The following CFAP97D2 variants were observed in gnomAD, a reference collection of about 807,000 sequenced individuals.
The protein encoded by CFAP97D2 is CFAP97 domain containing 2.
At chr13:114,220,734 C>A (rs1181623130) in intron 4 of CFAP97D2, among the ~76,000 whole-genome samples, 1 of 152,194 alleles carries the variant, frequency 6.6e-6, no homozygotes, top group Non-Finnish European at 1.5e-5. Flanking sequence ...TCTCCAGGAG[C>A]AAAATTAGCT....
chr13:114,218,348 T>G (rs1340201213), intron 4 of CFAP97D2, among the ~76,000 whole-genome samples: 1 of 152,210 alleles, frequency 6.6e-6, no homozygotes, highest in Non-Finnish European at 1.5e-5. Flanking sequence ...CAAAGAGAAC[T>G]ATAAACCACT....
chr13:114,195,867 C>T (rs1262130523), intron 1 of CFAP97D2, among the ~76,000 whole-genome samples: 2 of 149,440 alleles, frequency 1.3e-5, no homozygotes, highest in African/African-American at 2.5e-5. Flanking sequence ...GTCAGAAAAT[C>T]GAGACCATCC....
rs888158207 is a variant in CFAP97D2 at position 114,187,738 on chromosome 13, A to G, written c.90+8318A>G. 5.3e-5 allele frequency among the ~76,000 whole-genome samples: 8 copies of G among 152,216 alleles called. No individual in the cohort carries two copies. The highest frequency in any genetic ancestry group is 7.2e-5 in the African/African-American group (3 of 41,460). ...ATAGTTGAACTCAACGTCATCATCA[A>G]TCAACTAGATATAATTGATATCTAT... On this transcript the variant is annotated intron_variant, in intron 1 of 4. Transcript: ENST00000646158. This position sits in a 1 kb window ranked among gnomAD's most constrained non-coding sequence, Gnocchi z 4.2.
chr13:114,218,697 G>A (rs2081006552), intron 4 of CFAP97D2, among the ~76,000 whole-genome samples: 1 of 152,164 alleles, frequency 6.6e-6, no homozygotes, highest in African/African-American at 2.4e-5. Context: ...CAATGGAACA[G>A]AACAGAGCCC....
At chr13:114,216,739 T>C (rs917996521) in intron 4 of CFAP97D2, among the ~76,000 whole-genome samples, 9 of 152,218 alleles carry the variant, frequency 5.9e-5, no homozygotes, top group Non-Finnish European at 1.2e-4. Flanking sequence ...GGAATAGTGC[T>C]GCAATAAACA....
chr13:114,197,846 T>C (rs12584627), intron 2 of CFAP97D2, among the ~76,000 whole-genome samples: 1 of 151,978 alleles, frequency 6.6e-6, no homozygotes, highest in Non-Finnish European at 1.5e-5. Flanking sequence ...CATCAAGCCC[T>C]GCTAATTTTC....
intron 1 of CFAP97D2, among the ~76,000 whole-genome samples, chr13:114,188,681 G>A (rs1391926994): frequency 6.6e-6 from 1 of 151,314 alleles, no homozygotes; most frequent in Non-Finnish European, 1.5e-5. Context: ...GGAGGCTGAG[G>A]CAGGAGAATG....
rs144471727 is a variant in CFAP97D2, at chr13:114,182,672, T to C, written c.90+3252T>C. Among the ~76,000 whole-genome samples the C allele has an allele frequency of 3.9e-4, 60 of 152,338 alleles. No homozygotes were observed. In the East Asian group the frequency reaches 0.011, roughly 27 times the overall value. On this transcript the variant is annotated intron_variant, in intron 1 of 4. Transcript: ENST00000646158. ...GAGGATGGCGATGACTTTTACCAAG[T>C]ATACTGCTTGTAAACGTTTTGTTAA...
Position 114,186,347 on chromosome 13 carries a change from T to C in CFAP97D2, c.90+6927T>C, listed in dbSNP as rs2080853271. Among the ~76,000 whole-genome samples, 1 of 152,158 alleles carries C rather than the reference T, an allele frequency of 6.6e-6. No individual in the cohort carries two copies. Among genetic ancestry groups the C allele is most frequent in the Non-Finnish European group, 1.5e-5 (1 of 68,018 alleles). On this transcript the variant is annotated intron_variant, in intron 1 of 4. Coordinates refer to ENST00000646158, the Ensembl canonical transcript of CFAP97D2. The surrounding 1 kb of genome is among the most constrained non-coding windows in gnomAD (Gnocchi z 4.3). The stretch of plus-strand genomic sequence containing the variant: ...GTGGCTATGGAGAGGAGCTGCCCAC[T>C]GTGGGTCTCCTCTGAGCTGTTCTAT...
At chr13:114,217,939 G>GGAAGCATTCCCTTT (rs2081003116) in intron 4 of CFAP97D2, among the ~76,000 whole-genome samples, 1 of 152,074 alleles carries the variant, frequency 6.6e-6, no homozygotes, top group Non-Finnish European at 1.5e-5. Context: ...GGCAAAAACT[G>GGAAGCATTCCCTTT]GAAGCATTCC....
rs374425492 is a variant in CFAP97D2, at chr13:114,182,181, A to T, written c.90+2761A>T. Reference sequence around the variant, plus strand: ...GAAGGTCAGCAAAAAACGTGAGCAAAAGAGTCTATGTCGTAATTAAGTTCA... The same window carrying T: ...GAAGGTCAGCAAAAAACGTGAGCAATAGAGTCTATGTCGTAATTAAGTTCA... On this transcript the variant is annotated intron_variant, in intron 1 of 4. Transcript: ENST00000646158. 5.7e-3 allele frequency among the ~76,000 whole-genome samples: 684 copies of T among 120,856 alleles called. 44 individuals carry two copies. The highest frequency in any genetic ancestry group is 0.014 in the East Asian group (51 of 3,708). 79.3% of individuals were successfully genotyped at this position (120,856 alleles called of 152,430 possible).
chr13:114,204,326 G>A (rs1328439702), intron 3 of CFAP97D2, among the ~76,000 whole-genome samples: 1 of 152,178 alleles, frequency 6.6e-6, no homozygotes, highest in Non-Finnish European at 1.5e-5. Flanking sequence ...TGTTTGCGCA[G>A]GAGGGCTGCG....
chr13:114,191,715 T>C (rs1468557999), intron 1 of CFAP97D2, among the ~76,000 whole-genome samples: 1 of 152,180 alleles, frequency 6.6e-6, no homozygotes, highest in Non-Finnish European at 1.5e-5. Flanking sequence ...ACTATTACCA[T>C]ACAATCCAGC....
rs200788713 is a variant in CFAP97D2 at position 114,182,335 on chromosome 13, T to A, written c.90+2915T>A. 4.6e-3 allele frequency among the ~76,000 whole-genome samples: 661 copies of A among 144,634 alleles called. 6 individuals carry two copies. Among genetic ancestry groups the A allele is most frequent in the East Asian group, 0.016 (78 of 4,840 alleles). The allele number at this position is 144,634 out of a possible 152,430, so 94.9% of individuals were successfully genotyped here. A position where few individuals can be genotyped will look rare whatever the true frequency, so the allele number is the denominator to read the frequency against. ...CATGTCTCGCCTCCCGCCATAGGGC[T>A]GTTTTTCTCCTATCTCAGAATTGAA... On this transcript the variant is annotated intron_variant, in intron 1 of 4. Transcript: ENST00000646158.
Position 114,189,637 on chromosome 13 carries a change from AT to A in CFAP97D2, c.91-6757del, listed in dbSNP as rs1455437538. 1.3e-5 allele frequency among the ~76,000 whole-genome samples: 2 copies of A among 152,222 alleles called. No individual in the cohort carries two copies. The highest frequency in any genetic ancestry group is 2.9e-5 in the Non-Finnish European group (2 of 68,040). Reference sequence around the variant, plus strand: ...GTATTATATGCCATGACCAAGTGGGATTCATTCCAGGTATGCAAGGCTGGCT... The same window carrying A: ...GTATTATATGCCATGACCAAGTGGGATCATTCCAGGTATGCAAGGCTGGCT... On this transcript the variant is annotated intron_variant, in intron 1 of 4. Transcript: ENST00000646158. The surrounding 1 kb of genome is among the most constrained non-coding windows in gnomAD (Gnocchi z 4.5).
intron 4 of CFAP97D2, among the ~76,000 whole-genome samples, chr13:114,220,233 G>C (rs2081015265): frequency 6.6e-6 from 1 of 151,914 alleles, no homozygotes; most frequent in Non-Finnish European, 1.5e-5. Flanking sequence ...CCAGACCTTT[G>C]GGATCCGGGA....
At chr13:114,198,271 A>G (rs2080896121) in intron 2 of CFAP97D2, among the ~76,000 whole-genome samples, 1 of 152,176 alleles carries the variant, frequency 6.6e-6, no homozygotes, top group African/African-American at 2.4e-5. Context: ...ATCTCGAAGT[A>G]ATGCCTCCAG....
chr13:114,205,199 T>C (rs972918142), intron 3 of CFAP97D2, among the ~76,000 whole-genome samples: 11 of 152,112 alleles, frequency 7.2e-5, no homozygotes, highest in Non-Finnish European at 1.5e-4. Context: ...TGTGGGGAAA[T>C]TGGAACCCTC....
intron 3 of CFAP97D2, among the ~76,000 whole-genome samples, chr13:114,200,954 T>C (rs1412777255): frequency 1.3e-5 from 2 of 152,234 alleles, no homozygotes; most frequent in Non-Finnish European, 2.9e-5. Flanking sequence ...AGGTCCAGCA[T>C]CTTTCTGGAA....
Sources: allele counts gnomAD v4.1 joint callset (sites outside exome capture counted in the v4.1 genomes callset), GRCh38; gene constraint gnomAD v4.1.1; non-coding constraint Gnocchi (gnomAD v3.1); transcripts MANE v1.5; gene names NCBI Gene and HGNC (gene_info 2026-07-23, HGNC 2026-07-21).